Variants in NUCB1 observed in about 807,000 individuals in gnomAD.
NUCB1 encodes the protein nucleobindin 1.
Under a neutral mutation model 61.2 loss-of-function variants are expected in NUCB1, and 47 were observed. The observed-to-expected ratio is 0.77, with a 90% confidence interval of 0.61 to 0.98. The LOEUF is 0.98. Among genes scored for constraint, NUCB1 ranks in the 50% least tolerant of loss-of-function variants. The pLI, the probability that NUCB1 is intolerant of heterozygous loss-of-function variation, is 0.00. For synonymous variants in NUCB1, 234 were observed against 243.1 expected, an observed-to-expected ratio of 0.96 and a Z score of 0.35; for missense variants, 583 against 605.3, an observed-to-expected ratio of 0.96 and a Z score of 0.39.
At chr19:48,919,941 G>A (rs1476249360) in intron 10 of NUCB1, among the ~76,000 whole-genome samples, 2 of 151,650 alleles carry the variant, frequency 1.3e-5, no homozygotes, top group African/African-American at 4.8e-5. Flanking sequence ...GCTAATTTTT[G>A]TATTTTTTGT....
chr19:48,910,778 G>C (rs1178324668), intron 4 of NUCB1, among the ~76,000 whole-genome samples: 1 of 152,036 alleles, frequency 6.6e-6, no homozygotes, highest in Non-Finnish European at 1.5e-5. Context: ...TTGCTAGCTG[G>C]TACCCTAGAC....
intron 5 of NUCB1, among the ~76,000 whole-genome samples, 153 bp downstream of exon 5, chr19:48,911,405 C>CTTTTTT (rs1163076168): frequency 9.6e-6 from 1 of 104,440 alleles, no homozygotes; most frequent in South Asian, 3.4e-4. Context: ...CTTTTCTTTT[C>CTTTTTT]TTTTTTTTTT....
At chr19:48,913,311 G>T in intron 6 of NUCB1, 115 bp downstream of exon 6, 1 of 1,246,968 alleles carries the variant, frequency 8.0e-7, no homozygotes, top group Non-Finnish European at 1.1e-6. Flanking sequence ...AAAACTCCCT[G>T]TTACTGTACC....
chr19:48,902,684 A>G (rs372059631), intron 2 of NUCB1, among the ~76,000 whole-genome samples: 5 of 152,190 alleles, frequency 3.3e-5, no homozygotes, highest in Admixed American at 1.3e-4. Context: ...TGCTGGGATA[A>G]TAGGTGTGAG....
chr19:48,912,904 T>C (rs1053842372), intron 5 of NUCB1, 107 bp from the exon 6 acceptor site: 71 of 691,906 alleles, frequency 1.0e-4, no homozygotes, highest in Non-Finnish European at 2.5e-5. Flanking sequence ...AGGTAGAGGC[T>C]GGGGCTGCCC....
Position 48,913,521 on chromosome 19 carries a change from G to A in NUCB1, c.714G>A (p.Leu238=). The A allele has an allele frequency of 6.2e-7, 1 of 1,614,162 alleles. No homozygotes were observed. The highest frequency in any genetic ancestry group is 8.5e-7 in the Non-Finnish European group (1 of 1,180,010). Residue 238 remains leucine (L), a synonymous_variant, in exon 7 of 13, where the codon CTG becomes CTA. Coordinates refer to ENST00000405315, the MANE Select transcript of NUCB1 (RefSeq NM_006184.6). ...AGGTGTGGGAGGAGCTGGATGGACT[G>A]GACCCCAACAGGTTTAACCCCAAGA... ...LKEVWEELDG[L]DPNRFNPKTF... is the part of the protein sequence containing the mutation.
At chr19:48,920,545 CAG>C (rs914233000) in intron 10 of NUCB1, among the ~76,000 whole-genome samples, 79 of 152,016 alleles carry the variant, frequency 5.2e-4, no homozygotes, top group African/African-American at 1.8e-3. Context: ...TTTTTCAATA[CAG>C]AGTTTTGCTC....
rs772738350 is a variant in NUCB1, at chr19:48,901,050, G to GT, written c.135+125dup. 2.6e-5 allele frequency: 32 copies of GT among 1,240,650 alleles called. 1 individual carries two copies. Among genetic ancestry groups the GT allele is most frequent in the Middle Eastern group, 1.8e-4 (1 of 5,412 alleles). 76.9% of individuals were successfully genotyped at this position (1,240,650 alleles called of 1,614,324 possible). A position where few individuals can be genotyped will look rare whatever the true frequency, so the allele number is the denominator to read the frequency against. On this transcript the variant is annotated intron_variant, in intron 2 of 12. Coordinates refer to ENST00000405315, the MANE Select transcript of NUCB1 (RefSeq NM_006184.6). ...CTTCCTGGCCCTACAGTTGTAGCTT[G>GT]TTTTTTGCCCACCATTCCTCCCAGC...
At position 48,922,541 on chromosome 19, in the gene NUCB1, G is replaced by T; in HGVS notation, c.*117G>T. On this transcript the variant is annotated 3_prime_UTR_variant, in exon 13 of 13. Coordinates refer to ENST00000405315, the MANE Select transcript of NUCB1 (RefSeq NM_006184.6). ...GGTGTCATGTTGGGCTCCTGGGGCG[G>T]GGGCACGGCCTGGCATTTCACGCAT... 1.3e-6 allele frequency: 1 copy of T among 798,132 alleles called. No homozygotes were observed. Among genetic ancestry groups the T allele is most frequent in the Admixed American group, 2.2e-5 (1 of 45,466 alleles). The allele number at this position is 798,132 out of a possible 1,614,324, so 49.4% of individuals were successfully genotyped here. A position where few individuals can be genotyped will look rare whatever the true frequency, so the allele number is the denominator to read the frequency against.
rs2037576482 is a variant in NUCB1 at position 48,919,133 on chromosome 19, G to A, written c.909+11G>A. The A allele has an allele frequency of 6.2e-7, 1 of 1,614,016 alleles. No homozygotes were observed. Among genetic ancestry groups the A allele is most frequent in the East Asian group, 2.2e-5 (1 of 44,880 alleles). On this transcript the variant is annotated intron_variant, in intron 9 of 12. Transcript: ENST00000405315. The stretch of plus-strand genomic sequence containing the variant: ...CATGTGATGAAGAATGTGAGGTGGG[G>A]GCCAGGCGGGGGAGAGGACGGGCCC...
intron 3 of NUCB1, among the ~76,000 whole-genome samples, chr19:48,904,679 A>C (rs752165402): frequency 2.0e-5 from 3 of 152,038 alleles, no homozygotes; most frequent in African/African-American, 7.2e-5. Flanking sequence ...GTACACCACC[A>C]TGCCTGACTA....
Position 48,922,532 on chromosome 19 carries a change from C to A in NUCB1, c.*108C>A. 1.1e-6 allele frequency: 1 copy of A among 898,824 alleles called. No individual in the cohort carries two copies. The allele number at this position is 898,824 out of a possible 1,614,324, so 55.7% of individuals were successfully genotyped here. A position where few individuals can be genotyped will look rare whatever the true frequency, so the allele number is the denominator to read the frequency against. ...CTGGGGGCTGGTGTCATGTTGGGCT[C>A]CTGGGGCGGGGGCACGGCCTGGCAT... On this transcript the variant is annotated 3_prime_UTR_variant, in exon 13 of 13. Transcript: ENST00000405315.
At chr19:48,905,920 A>AGGGGGGGGGGGGAAGGGCGGGGG in intron 4 of NUCB1, 35 bp downstream of exon 4, 1 of 473,426 alleles carries the variant, frequency 2.1e-6, no homozygotes, top group Non-Finnish European at 3.9e-6. Context: ...ACAGGCAGGG[A>AGGGGGGGGGGGGAAGGGCGGGGG]GGGGTGGGGA....
chr19:48,918,634 A>G, intron 7 of NUCB1, 92 bp from the exon 8 acceptor site: 1 of 970,374 alleles, frequency 1.0e-6, no homozygotes, highest in South Asian at 1.3e-5. Flanking sequence ...CTCTGATAAC[A>G]GACCCCACAT....
At chr19:48,922,080 G>T in intron 12 of NUCB1, 148 bp downstream of exon 12, 1 of 717,234 alleles carries the variant, frequency 1.4e-6, no homozygotes. Flanking sequence ...CTGGGGGTCC[G>T]GACTCCTGGG....
chr19:48,912,967 T>TGGGCAGAGG, intron 5 of NUCB1, 44 bp from the exon 6 acceptor site: 3 of 1,492,356 alleles, frequency 2.0e-6, no homozygotes, highest in Non-Finnish European at 2.7e-6. Flanking sequence ...AATTGGGGGC[T>TGGGCAGAGG]GGGCAGAGGG....
chr19:48,920,107 G>GC (rs34026716), intron 10 of NUCB1, among the ~76,000 whole-genome samples: 143,267 of 152,040 alleles, frequency 0.94, 67,519 homozygotes, highest in South Asian at 0.96. Context: ...ACAGGGTTTT[G>GC]CATGTTGGCC....
At chr19:48,911,109 G>A in intron 4 of NUCB1, 40 bp from the exon 5 acceptor site, 2 of 1,457,296 alleles carry the variant, frequency 1.4e-6, no homozygotes, top group Non-Finnish European at 1.9e-6. Flanking sequence ...GGTTCTGAAA[G>A]AACATGCCCT....
chr19:48,912,814 A>G (rs1454158906), intron 5 of NUCB1, among the ~76,000 whole-genome samples, 197 bp from the exon 6 acceptor site: 1 of 144,154 alleles, frequency 6.9e-6, no homozygotes, highest in Non-Finnish European at 1.5e-5. Context: ...ACCGCACTCC[A>G]GCCTGGGCAA....
Sources: allele counts gnomAD v4.1 joint callset (sites outside exome capture counted in the v4.1 genomes callset), GRCh38; gene constraint gnomAD v4.1.1; transcripts MANE v1.5; gene names NCBI Gene and HGNC (gene_info 2026-07-23, HGNC 2026-07-21).